ABCF1: variants seen among roughly 807,000 people sequenced by gnomAD.
The protein encoded by ABCF1 is ATP-binding cassette sub-family F member 1.
Under a neutral mutation model 126.3 loss-of-function variants are expected in ABCF1, and 73 were observed. The observed-to-expected ratio is 0.58, with a 90% CI of 0.48 to 0.70. The LOEUF (loss-of-function observed/expected upper bound fraction) is 0.70. Among genes scored for constraint, ABCF1 ranks in the 30% least tolerant of loss-of-function variants. ABCF1 has a pLI of 0.00. For missense variants in ABCF1, 786 were observed against 1,057.5 expected (o/e 0.74, Z 3.56); for synonymous variants, 345 against 396.4 (o/e 0.87, Z 1.54).
At chr6:30,575,274 T>G (rs896278969) in intron 1 of ABCF1, among the ~76,000 whole-genome samples, 2 of 152,058 alleles carry the variant, frequency 1.3e-5, no homozygotes, top group Non-Finnish European at 2.9e-5. Flanking sequence ...TTCACCATGT[T>G]GGCCAAGCTG....
Position 30,584,161 on chromosome 6 carries a change from G to C in ABCF1, c.1103-31G>C. On this transcript the variant is annotated intron_variant, in intron 12 of 24. Coordinates refer to ENST00000326195, the MANE Select transcript of ABCF1 (RefSeq NM_001025091.2). The surrounding 1 kb of genome is among the most constrained non-coding windows in gnomAD (Gnocchi z 4.6). ...AAAGATGAGACTCTTGGCTCTTGAG[G>C]CTGCCTGACTGTTCTCCCTCTGCCT... 1 of 1,595,218 alleles carries C rather than the reference G, an allele frequency of 6.3e-7. No homozygotes were observed. The highest frequency in any genetic ancestry group is 1.1e-5 in the South Asian group (1 of 89,388).
chr6:30,587,231 C>CA (rs1256772459), intron 20 of ABCF1, among the ~76,000 whole-genome samples: 3 of 136,748 alleles, frequency 2.2e-5, no homozygotes, highest in African/African-American at 2.8e-5. Context: ...GCCTGGGCAA[C>CA]AGAGCGAGAC....
Position 30,583,459 on chromosome 6 carries a change from C to G in ABCF1, c.916-149C>G, listed in dbSNP as rs1431990357. 1.1e-6 allele frequency: 1 copy of G among 927,146 alleles called. No individual in the cohort carries two copies. Among genetic ancestry groups the G allele is most frequent in the East Asian group, 2.4e-5 (1 of 41,118 alleles). The allele number at this position is 927,146 out of a possible 1,614,324, so 57.4% of individuals were successfully genotyped here. A position where few individuals can be genotyped will look rare whatever the true frequency, so the allele number is the denominator to read the frequency against. On this transcript the variant is annotated intron_variant, in intron 10 of 24. Transcript: ENST00000326195. The surrounding 1 kb of genome is among the most constrained non-coding windows in gnomAD (Gnocchi z 4.1). ...TTACAGGCAGCGAACAGGGCGGGGA[C>G]CGGCTGTGGGGAGAGGAAGGGGATT...
In ABCF1 at chr6:30,586,504, C is replaced by T. The variant is rs2127415955; in HGVS notation, c.1916C>T (p.Pro639Leu). ...ACATTCGGCTACCAGGGACAGAAAC[C>T]ACTCTTTAAGAACTTGGATTTTGGC... ...GVTFGYQGQK[P>L]LFKNLDFGID... The change falls in exon 19 of 25, where the codon CCA becomes CTA. Residue 639 changes from proline (P) to leucine (L), a missense_variant. By Grantham distance (98) the Pro-to-Leu change is moderately conservative. Coordinates refer to ENST00000326195, the MANE Select transcript of ABCF1 (RefSeq NM_001025091.2). This position sits in a 1 kb window ranked among gnomAD's most constrained non-coding sequence, Gnocchi z 4.9. 6.2e-7 allele frequency: 1 copy of T among 1,613,452 alleles called. No homozygotes were observed. The highest frequency in any genetic ancestry group is 8.5e-7 in the Non-Finnish European group (1 of 1,180,032).
rs201202956 is a variant in ABCF1 at position 30,584,147 on chromosome 6, T to A, written c.1103-45T>A. 614 of 1,584,496 alleles carry A rather than the reference T, an allele frequency of 3.9e-4. No individual in the cohort carries two copies. The highest frequency in any genetic ancestry group is 4.8e-4 in the Non-Finnish European group (556 of 1,167,206). ...AATTGAAGGGAAAGAAAGATGAGAC[T>A]CTTGGCTCTTGAGGCTGCCTGACTG... On this transcript the variant is annotated intron_variant, in intron 12 of 24. Transcript: ENST00000326195. This position sits in a 1 kb window ranked among gnomAD's most constrained non-coding sequence, Gnocchi z 4.6.
At chr6:30,589,089 C>T (rs1454884246) in intron 20 of ABCF1, among the ~76,000 whole-genome samples, 1 of 152,132 alleles carries the variant, frequency 6.6e-6, no homozygotes, top group Non-Finnish European at 1.5e-5. Flanking sequence ...ACTTCCACCT[C>T]CTGGGTTAAA....
At position 30,584,331 on chromosome 6, in the gene ABCF1, G is replaced by A; in HGVS notation, c.1242G>A (p.Lys414=). The change falls in exon 13 of 25, where the codon AAG becomes AAA. Residue 414 remains lysine, a splice_region_variant and synonymous_variant. Transcript: ENST00000326195. The surrounding 1 kb of genome is among the most constrained non-coding windows in gnomAD (Gnocchi z 4.6). The part of the protein sequence containing the change: ...GDDTAAERLE[K]VYEELRATGA... ...ACACAGCTGCTGAGAGGCTAGAGAA[G>A]GTAGAGGAGATGGCGCAGGGGACAC... 6.2e-7 allele frequency: 1 copy of A among 1,613,146 alleles called. No individual in the cohort carries two copies. Among genetic ancestry groups the A allele is most frequent in the Non-Finnish European group, 8.5e-7 (1 of 1,180,030 alleles).
intron 20 of ABCF1, among the ~76,000 whole-genome samples, chr6:30,589,049 A>G (rs1802301203): frequency 6.6e-6 from 1 of 152,072 alleles, no homozygotes; most frequent in Admixed American, 6.6e-5. Flanking sequence ...CCTGTCCCCG[A>G]GGGTGGAGTG....
chr6:30,582,963 G>A, intron 9 of ABCF1, 103 bp from the exon 10 acceptor site: 1 of 1,467,076 alleles, frequency 6.8e-7, no homozygotes, highest in Non-Finnish European at 9.3e-7. Context: ...AGAGTGCTGG[G>A]ATTACAGGCG....
In ABCF1 at chr6:30,584,601, C is replaced by T. The variant is rs1561795832; in HGVS notation, c.1391+35C>T. ...TCACCTCACTGCCCTCCCTTCCAGC[C>T]TCAGACCACCGGGGCCCTTTTCCTC... On this transcript the variant is annotated intron_variant, in intron 14 of 24. Coordinates refer to ENST00000326195, the MANE Select transcript of ABCF1 (RefSeq NM_001025091.2). The surrounding 1 kb of genome is among the most constrained non-coding windows in gnomAD (Gnocchi z 4.6). The T allele has an allele frequency of 6.4e-7, 1 of 1,554,060 alleles. No homozygotes were observed. Among genetic ancestry groups the T allele is most frequent in the Non-Finnish European group, 8.7e-7 (1 of 1,153,552 alleles).
chr6:30,588,142 C>G (rs1263372964), intron 20 of ABCF1, among the ~76,000 whole-genome samples: 1 of 152,128 alleles, frequency 6.6e-6, no homozygotes, highest in Non-Finnish European at 1.5e-5. Context: ...ACCTTGTGAT[C>G]CGCCCGCCTC....
Position 30,571,462 on chromosome 6 carries a change from C to A in ABCF1, c.-26C>A, listed in dbSNP as rs990251989. On this transcript the variant is annotated 5_prime_UTR_variant, in exon 1 of 25. Transcript: ENST00000326195. ...GAAGCGGAAATAGCACCGGGCGCCG[C>A]CACAGTAGCTGTAACTGCCACCGCG... 17 of 1,601,098 alleles carry A rather than the reference C, an allele frequency of 1.1e-5. No homozygotes were observed. The highest frequency in any genetic ancestry group is 1.4e-5 in the Non-Finnish European group (16 of 1,174,692).
intron 1 of ABCF1, 141 bp from the exon 2 acceptor site, chr6:30,577,268 G>A: frequency 1.4e-6 from 1 of 729,712 alleles, no homozygotes; most frequent in Non-Finnish European, 2.2e-6. Context: ...GGAGTTGTGA[G>A]ACAGTACAAA....
rs2127413739 is a variant in ABCF1 at position 30,584,455 on chromosome 6, C to T, written c.1280C>T (p.Ala427Val). 1 of 1,613,116 alleles carries T rather than the reference C, an allele frequency of 6.2e-7. No homozygotes were observed. Among genetic ancestry groups the T allele is most frequent in the Non-Finnish European group, 8.5e-7 (1 of 1,180,038 alleles). The part of the protein sequence containing the change: ...EELRATGAAA[A>V]EAKARRILAG... Reference sequence around the variant, plus strand: ...TTGCGGGCCACTGGGGCGGCAGCTGCAGAGGCCAAAGCACGGCGGATCCTG... The same window carrying T: ...TTGCGGGCCACTGGGGCGGCAGCTGTAGAGGCCAAAGCACGGCGGATCCTG... The change falls in exon 14 of 25, where the codon GCA (alanine) becomes GTA (valine). Residue 427 changes from alanine to valine, a missense_variant. Ala to Val is a moderately conservative substitution (Grantham distance 64). Transcript: ENST00000326195. The surrounding 1 kb of genome is among the most constrained non-coding windows in gnomAD (Gnocchi z 4.6).
At chr6:30,575,950 T>G (rs990216461) in intron 1 of ABCF1, among the ~76,000 whole-genome samples, 6 of 151,922 alleles carry the variant, frequency 3.9e-5, no homozygotes, top group African/African-American at 1.5e-4. Flanking sequence ...GGCGCTTGCC[T>G]GTAGTCCTAG....
chr6:30,577,189 G>C (rs900796273), intron 1 of ABCF1, among the ~76,000 whole-genome samples: 4 of 152,194 alleles, frequency 2.6e-5, no homozygotes, highest in African/African-American at 9.7e-5. Flanking sequence ...CACAATATCT[G>C]ACACATGGTA....
Position 30,582,335 on chromosome 6 carries a change from C to T in ABCF1, c.679-59C>T, listed in dbSNP as rs1264441. 6.8e-3 allele frequency: 7,357 copies of T among 1,087,116 alleles called. 39 individuals carry two copies. Among genetic ancestry groups the T allele is most frequent in the Admixed American group, 0.01 (497 of 48,696 alleles). The allele number at this position is 1,087,116 out of a possible 1,614,324, so 67.3% of individuals were successfully genotyped here. A position where few individuals can be genotyped will look rare whatever the true frequency, so the allele number is the denominator to read the frequency against. On this transcript the variant is annotated intron_variant, in intron 8 of 24. Transcript: ENST00000326195. ...CTTCCCAAAGTGCTGGGATTACAGG[C>T]GTGAGCCACCGCGCCCAGCCAGGAG...
chr6:30,583,365 G>T lies in ABCF1; in HGVS notation c.915+177G>T, dbSNP rs1801930009. On this transcript the variant is annotated intron_variant, in intron 10 of 24. Coordinates refer to ENST00000326195, the MANE Select transcript of ABCF1 (RefSeq NM_001025091.2). This position sits in a 1 kb window ranked among gnomAD's most constrained non-coding sequence, Gnocchi z 4.1. Reference sequence around the variant, plus strand: ...CAAGAAGATAGAAAAACCAGTAGAAGTGGGGTCCACCCTTGGCAGAAAATA... The same window carrying T: ...CAAGAAGATAGAAAAACCAGTAGAATTGGGGTCCACCCTTGGCAGAAAATA... Among the ~76,000 whole-genome samples the T allele has an allele frequency of 6.6e-6, 1 of 152,228 alleles. No homozygotes were observed. The highest frequency in any genetic ancestry group is 1.5e-5 in the Non-Finnish European group (1 of 68,042).
intron 1 of ABCF1, 59 bp from the exon 2 acceptor site, chr6:30,577,350 G>A: frequency 6.5e-7 from 1 of 1,540,248 alleles, no homozygotes. Flanking sequence ...TTTGCAGGGG[G>A]GATCAGACTG....
Sources: allele counts gnomAD v4.1 joint callset (sites outside exome capture counted in the v4.1 genomes callset), GRCh38; gene constraint gnomAD v4.1.1; non-coding constraint Gnocchi (gnomAD v3.1); transcripts MANE v1.5; gene names NCBI Gene and HGNC (gene_info 2026-07-23, HGNC 2026-07-21).